The following FIRRM variants were observed in gnomAD, a reference collection of about 807,000 sequenced individuals.
FIRRM encodes the protein FIGNL1 interacting regulator of recombination and mitosis, also known as FIGNL1-interacting regulator of recombination and mitosis.
chr1:169,815,035 CGCCTGT>C, the FIRRM span, among the ~76,000 whole-genome samples: 1 of 151,698 alleles, frequency 6.6e-6, no homozygotes, highest in Non-Finnish European at 1.5e-5. Flanking sequence ...CGGTGGCTCA[CGCCTGT>C]AATCCCAGCA....
the FIRRM span, chr1:169,793,380 G>A: frequency 8.1e-6 from 13 of 1,613,892 alleles, no homozygotes; most frequent in East Asian, 4.5e-5. Context: ...AAATCTTTAG[G>A]CATAGCATGC....
the FIRRM span, among the ~76,000 whole-genome samples, chr1:169,821,199 A>G: frequency 6.6e-6 from 1 of 152,094 alleles, no homozygotes; most frequent in Admixed American, 6.5e-5. Flanking sequence ...TTCCCGAAAT[A>G]TATATAATTA....
At chr1:169,830,471 T>G in the FIRRM span, 3 of 934,562 alleles carry the variant, frequency 3.2e-6, no homozygotes, top group Non-Finnish European at 3.2e-6. Context: ...CAAAACGCTT[T>G]GATTTCATAT....
chr1:169,792,868 A>G, the FIRRM span: 1 of 1,614,144 alleles, frequency 6.2e-7, no homozygotes, highest in South Asian at 1.1e-5. Flanking sequence ...TACTTAGTAC[A>G]AGCTTACAAA....
chr1:169,848,875 A>G, the FIRRM span, among the ~76,000 whole-genome samples: 4 of 152,244 alleles, frequency 2.6e-5, no homozygotes. Flanking sequence ...GAGATTCATC[A>G]GAACATAGGA....
chr1:169,827,555 T>G, the FIRRM span, among the ~76,000 whole-genome samples: 1,495 of 152,308 alleles, frequency 9.8e-3, 35 homozygotes, highest in African/African-American at 0.034. Flanking sequence ...GGAGAATCGC[T>G]TGAACCCAGA....
chr1:169,850,222 G>C, the FIRRM span: 8 of 1,324,118 alleles, frequency 6.0e-6, no homozygotes, highest in East Asian at 1.8e-4. Flanking sequence ...TTTGCAAGTT[G>C]TTGAAATGTT....
At chr1:169,836,924 C>T in the FIRRM span, 379 of 1,605,628 alleles carry the variant, frequency 2.4e-4, 1 homozygote, top group African/African-American at 4.4e-3. Context: ...CAATTTATTT[C>T]AGCTGGAGTT....
chr1:169,818,267 C>T, the FIRRM span, among the ~76,000 whole-genome samples: 1 of 152,180 alleles, frequency 6.6e-6, no homozygotes, highest in Non-Finnish European at 1.5e-5. Context: ...GGACACAGAA[C>T]AGAAGTGTAG....
At chr1:169,853,842 A>T in the FIRRM span, 3,850 of 1,551,988 alleles carry the variant, frequency 2.5e-3, 89 homozygotes, top group African/African-American at 0.046. Context: ...CGCAAATTTG[A>T]AAAAGCAGGA....
chr1:169,821,971 T>A, the FIRRM span, among the ~76,000 whole-genome samples: 4 of 152,066 alleles, frequency 2.6e-5, no homozygotes, highest in Non-Finnish European at 4.4e-5. Context: ...AAAAAAAAAA[T>A]AGTTTTTATT....
At chr1:169,838,530 C>T in the FIRRM span, among the ~76,000 whole-genome samples, 1 of 151,926 alleles carries the variant, frequency 6.6e-6, no homozygotes. Flanking sequence ...CGCTCTGTTG[C>T]CCAGGCTAGA....
the FIRRM span, chr1:169,806,018 T>C: frequency 6.3e-7 from 1 of 1,598,640 alleles, no homozygotes; most frequent in Non-Finnish European, 8.5e-7. Flanking sequence ...TCATTCTTTA[T>C]TGGATATCTG....
the FIRRM span, among the ~76,000 whole-genome samples, chr1:169,812,624 G>A: frequency 1.3e-5 from 2 of 152,120 alleles, no homozygotes; most frequent in African/African-American, 2.4e-5. Flanking sequence ...TTGGGAGGCC[G>A]AGGTGGGCAG....
At chr1:169,850,143 G>T in the FIRRM span, 1 of 625,060 alleles carries the variant, frequency 1.6e-6, no homozygotes, top group Non-Finnish European at 2.8e-6. Flanking sequence ...TCACCTTTGA[G>T]GATCCTCTGG....
At chr1:169,810,862 T>G in the FIRRM span, among the ~76,000 whole-genome samples, 1 of 112,438 alleles carries the variant, frequency 8.9e-6, no homozygotes, top group Non-Finnish European at 1.8e-5. Context: ...TTTTTTTTTT[T>G]TTTTTTTTGA....
chr1:169,803,032 A>G, the FIRRM span: 2 of 770,200 alleles, frequency 2.6e-6, no homozygotes, highest in Non-Finnish European at 2.1e-6. Flanking sequence ...TGTAGTTCTG[A>G]TAGACTAAAG....
At chr1:169,850,524 G>A in the FIRRM span, 21 of 523,476 alleles carry the variant, frequency 4.0e-5, no homozygotes, top group East Asian at 1.3e-4. Flanking sequence ...GGGGCCAGGC[G>A]CGGCGGCTCA....
the FIRRM span, chr1:169,853,913 G>A: frequency 3.4e-6 from 3 of 891,554 alleles, no homozygotes; most frequent in Non-Finnish European, 5.1e-6. Flanking sequence ...ATAACTTAGA[G>A]CTCTAACAGA....
Sources: gnomAD v4.1 joint callset for allele counts (sites outside exome capture counted in the v4.1 genomes callset) on GRCh38, gnomAD v4.1.1 for gene constraint, MANE v1.5 for transcripts, NCBI Gene and HGNC (gene_info 2026-07-23, HGNC 2026-07-21) for gene names.